Variants in KIAA1328 observed in about 807,000 individuals in gnomAD.
The protein encoded by KIAA1328 is KIAA1328.
A neutral mutation model predicts 68.1 loss-of-function variants in KIAA1328; 52 were observed. The ratio of observed to expected loss-of-function variants is 0.76; its 90% CI spans 0.61 to 0.96. The LOEUF is 0.96. Among genes scored for constraint, KIAA1328 ranks in the 40% least tolerant of loss-of-function variants. The pLI, the probability that KIAA1328 is intolerant of heterozygous loss-of-function variation, is 0.00. For missense variants in KIAA1328, 641 were observed against 677.6 expected (o/e 0.95, Z 0.60); for synonymous variants, 232 against 239.4 (o/e 0.97, Z 0.28).
In KIAA1328 at chr18:37,048,216, AGT is replaced by A. The variant is rs2055553552; in HGVS notation, c.577-18671_577-18670del. The stretch of plus-strand genomic sequence containing the variant: ...AGCTGTAAGACTGTATTTGTTTGGT[AGT>A]GTCTTCTCACACATTGGATAACGAC... On this transcript the variant is annotated intron_variant, in intron 6 of 9. Coordinates refer to ENST00000280020, the MANE Select transcript of KIAA1328 (RefSeq NM_020776.3). 3.3e-5 allele frequency among the ~76,000 whole-genome samples: 5 copies of A among 152,346 alleles called. No individual in the cohort carries two copies. In the South Asian group the frequency reaches 1.0e-3, roughly 32 times the overall value.
chr18:37,009,694 A>G (rs1220904136), intron 6 of KIAA1328, among the ~76,000 whole-genome samples: 1 of 152,214 alleles, frequency 6.6e-6, no homozygotes, highest in Non-Finnish European at 1.5e-5. Context: ...GTTTTGTGGA[A>G]TGTTGTTCTA....
intron 5 of KIAA1328, among the ~76,000 whole-genome samples, chr18:36,905,153 C>T (rs368914399): frequency 2.6e-5 from 4 of 151,194 alleles, no homozygotes; most frequent in African/African-American, 9.7e-5. Context: ...GCTCTGTTGA[C>T]CAGGCTGGAG....
chr18:37,081,573 G>A (rs568103468), intron 7 of KIAA1328, among the ~76,000 whole-genome samples: 1 of 152,026 alleles, frequency 6.6e-6, no homozygotes, highest in Non-Finnish European at 1.5e-5. Flanking sequence ...TGCTTTTATT[G>A]TGCCACTTCT....
Position 37,174,654 on chromosome 18 carries a change from C to T in KIAA1328, c.1523+1573C>T, listed in dbSNP as rs188777515. On this transcript the variant is annotated intron_variant, in intron 9 of 9. Transcript: ENST00000280020. ...TGTCACCCAGGCTGAAGTGCAGTGG[C>T]GCAATCTTGGCTCACTACAAGCTCC... Among the ~76,000 whole-genome samples the T allele has an allele frequency of 2.3e-3, 353 of 150,728 alleles. 2 individuals carry two copies. Among genetic ancestry groups the T allele is most frequent in the African/African-American group, 8.2e-3 (335 of 41,028 alleles).
intron 5 of KIAA1328, among the ~76,000 whole-genome samples, chr18:36,922,706 A>G (rs1432624322): frequency 2.0e-5 from 3 of 152,188 alleles, no homozygotes; most frequent in African/African-American, 7.2e-5. Flanking sequence ...TTTTTAAAAT[A>G]AAAAACTTTT....
intron 5 of KIAA1328, among the ~76,000 whole-genome samples, chr18:36,897,510 T>G (rs970055735): frequency 4.6e-5 from 7 of 151,974 alleles, no homozygotes; most frequent in South Asian, 4.1e-4. Context: ...GAGAGAGAGA[T>G]AAAACCAACA....
chr18:36,946,686 T>G (rs1248954198), intron 5 of KIAA1328, among the ~76,000 whole-genome samples: 1 of 152,190 alleles, frequency 6.6e-6, no homozygotes, highest in African/African-American at 2.4e-5. Context: ...GGGTTTTTTC[T>G]TTTAATAAGA....
At chr18:37,108,110 A>G (rs941093253) in intron 7 of KIAA1328, among the ~76,000 whole-genome samples, 3 of 152,208 alleles carry the variant, frequency 2.0e-5, no homozygotes, top group Non-Finnish European at 4.4e-5. Context: ...TAGCAAAGAC[A>G]TAGAATGAAC....
chr18:36,839,884 G>A (rs1197634663), intron 3 of KIAA1328, among the ~76,000 whole-genome samples: 13 of 152,112 alleles, frequency 8.5e-5, no homozygotes, highest in Non-Finnish European at 1.9e-4. Context: ...TACAGAAATT[G>A]TTTCCACTGT....
At chr18:37,072,049 T>C (rs2056552768) in intron 7 of KIAA1328, among the ~76,000 whole-genome samples, 1 of 152,182 alleles carries the variant, frequency 6.6e-6, no homozygotes, top group Admixed American at 6.5e-5. Flanking sequence ...AGTTACAGAA[T>C]AATTTAGAAA....
intron 7 of KIAA1328, among the ~76,000 whole-genome samples, chr18:37,089,371 CTTTTTT>C (rs3085910): frequency 1.0e-5 from 1 of 95,300 alleles, no homozygotes; most frequent in African/African-American, 4.5e-5. Context: ...AAGGTAGTGG[CTTTTTT>C]TTTTTTTTTT....
At chr18:36,976,414 C>T (rs1401703103) in intron 6 of KIAA1328, among the ~76,000 whole-genome samples, 4 of 151,874 alleles carry the variant, frequency 2.6e-5, no homozygotes, top group Admixed American at 1.3e-4. Context: ...GTGAAACAAA[C>T]GTAATATAAA....
At chr18:36,907,146 A>G (rs995889619) in intron 5 of KIAA1328, among the ~76,000 whole-genome samples, 1 of 152,076 alleles carries the variant, frequency 6.6e-6, no homozygotes, top group Non-Finnish European at 1.5e-5. Context: ...CTTGTGTCCA[A>G]TGACTGCTAA....
intron 7 of KIAA1328, among the ~76,000 whole-genome samples, chr18:37,068,215 A>G (rs1232033308): frequency 6.6e-6 from 1 of 152,150 alleles, no homozygotes; most frequent in Non-Finnish European, 1.5e-5. Flanking sequence ...GGGGTGTGGA[A>G]TTAGATTGTA....
chr18:37,082,284 G>T (rs2056974932), intron 7 of KIAA1328, among the ~76,000 whole-genome samples: 1 of 147,264 alleles, frequency 6.8e-6, no homozygotes, highest in South Asian at 2.1e-4. Flanking sequence ...CGATTCTCCT[G>T]CCTCAGCCTC....
In KIAA1328 at chr18:36,959,305, CA is replaced by C; in HGVS notation, c.449-2del. The C allele has an allele frequency of 6.4e-7, 1 of 1,573,362 alleles. No homozygotes were observed. The highest frequency in any genetic ancestry group is 8.6e-7 in the Non-Finnish European group (1 of 1,166,410). ...GTTTTTTTCCCTTAATTTGCAATCTCACCTCTTCAGCTACAGTATAGAGAAT... is the reference window on the plus strand; with the variant it reads ...GTTTTTTTCCCTTAATTTGCAATCTCCCTCTTCAGCTACAGTATAGAGAAT... On this transcript the variant is annotated splice_acceptor_variant, in intron 5 of 9. Coordinates refer to ENST00000280020, the MANE Select transcript of KIAA1328 (RefSeq NM_020776.3). LOFTEE classifies it high-confidence loss of function.
intron 7 of KIAA1328, among the ~76,000 whole-genome samples, chr18:37,151,894 A>G (rs1268838478): frequency 6.6e-6 from 1 of 152,042 alleles, no homozygotes; most frequent in Non-Finnish European, 1.5e-5. Flanking sequence ...TGGGAACTGC[A>G]CTGGTGTTGT....
intron 6 of KIAA1328, among the ~76,000 whole-genome samples, chr18:37,011,100 T>G (rs1219961235): frequency 6.6e-6 from 1 of 152,142 alleles, no homozygotes; most frequent in African/African-American, 2.4e-5. Flanking sequence ...ATTTAGGGGC[T>G]GAAAAACACC....
chr18:37,100,873 G>C (rs538016824), intron 7 of KIAA1328, among the ~76,000 whole-genome samples: 1 of 152,330 alleles, frequency 6.6e-6, no homozygotes, highest in South Asian at 2.1e-4. Flanking sequence ...AATATCCGCT[G>C]TTCTGCAGCC....
Sources: allele counts gnomAD v4.1 joint callset (sites outside exome capture counted in the v4.1 genomes callset), GRCh38; gene constraint gnomAD v4.1.1; transcripts MANE v1.5; gene names NCBI Gene and HGNC (gene_info 2026-07-23, HGNC 2026-07-21).